GRXCR1: variants seen among roughly 807,000 people sequenced by gnomAD.
The protein encoded by GRXCR1 is glutaredoxin and cysteine rich domain containing 1, also known as glutaredoxin domain-containing cysteine-rich protein 1.
GRXCR1 carries 27 observed loss-of-function variants against 27.3 expected under a neutral mutation model. The ratio of observed to expected loss-of-function variants is 0.99; its 90% confidence interval spans 0.73 to 1.37. The LOEUF is 1.37. Among genes scored for constraint, GRXCR1 ranks in the 40% most tolerant of loss-of-function variants. The pLI is 0.00. For missense variants in GRXCR1, 379 were observed against 354.4 expected (o/e 1.07, Z -0.56); for synonymous variants, 122 against 131.1 (o/e 0.93, Z 0.47).
chr4:42,968,841 AAAG>A (rs1748312233), intron 2 of GRXCR1, among the ~76,000 whole-genome samples: 1 of 152,074 alleles, frequency 6.6e-6, no homozygotes, highest in Non-Finnish European at 1.5e-5. Flanking sequence ...CTTTAGTAGC[AAAG>A]AAGGATAGGA....
At chr4:42,917,741 G>GATTAAGTTTCC (rs1272029715) in intron 1 of GRXCR1, among the ~76,000 whole-genome samples, 2 of 152,120 alleles carry the variant, frequency 1.3e-5, no homozygotes, top group Admixed American at 1.3e-4. Context: ...GAAACAGGAT[G>GATTAAGTTTCC]AACGGGGGCT....
intron 1 of GRXCR1, 34 bp downstream of exon 1, chr4:42,893,684 G>A (rs745552081): frequency 1.2e-6 from 2 of 1,603,028 alleles, no homozygotes; most frequent in Admixed American, 3.3e-5. Context: ...CCTGCTCTTT[G>A]TTCCTAACTC....
intron 1 of GRXCR1, among the ~76,000 whole-genome samples, chr4:42,957,926 C>T (rs999015833): frequency 1.6e-4 from 24 of 151,784 alleles, no homozygotes; most frequent in Middle Eastern, 3.2e-3. Flanking sequence ...TCACTGGTAA[C>T]TTATTTAATT....
rs558492659 is a variant in GRXCR1 at position 42,976,754 on chromosome 4, C to T, written c.627+13620C>T. ...ATGATGTTTTGAAGTATATATACAC[C>T]GTGGAATGGCTAAATCTAGCTAATT... On this transcript the variant is annotated intron_variant, in intron 2 of 3. Coordinates refer to ENST00000399770, the MANE Select transcript of GRXCR1 (RefSeq NM_001080476.3). 3.3e-5 allele frequency among the ~76,000 whole-genome samples: 5 copies of T among 151,898 alleles called. No homozygotes were observed. In the East Asian group the frequency reaches 7.8e-4, roughly 24 times the overall value.
intron 1 of GRXCR1, among the ~76,000 whole-genome samples, chr4:42,945,285 C>T (rs1747717181): frequency 6.6e-6 from 1 of 152,104 alleles, no homozygotes; most frequent in Admixed American, 6.6e-5. Context: ...CAAGCTGACT[C>T]AGACAGTTGC....
At chr4:42,982,899 G>A (rs1251853163) in intron 2 of GRXCR1, among the ~76,000 whole-genome samples, 2 of 151,974 alleles carry the variant, frequency 1.3e-5, no homozygotes, top group South Asian at 2.1e-4. Flanking sequence ...TTTTTGATGG[G>A]GTTGTTTGTT....
chr4:43,001,172 T>C (rs1712344278), intron 2 of GRXCR1, among the ~76,000 whole-genome samples: 1 of 152,034 alleles, frequency 6.6e-6, no homozygotes, highest in Non-Finnish European at 1.5e-5. Flanking sequence ...TAGGATGCCT[T>C]TGTAACACTG....
chr4:42,925,304 G>A (rs1397069592), intron 1 of GRXCR1, among the ~76,000 whole-genome samples: 4 of 151,990 alleles, frequency 2.6e-5, no homozygotes, highest in Admixed American at 2.6e-4. Context: ...AAGGCAAATT[G>A]CCAATGGAAG....
intron 1 of GRXCR1, among the ~76,000 whole-genome samples, chr4:42,948,285 T>G (rs747546102): frequency 2.0e-5 from 3 of 151,718 alleles, no homozygotes; most frequent in Non-Finnish European, 2.9e-5. Context: ...AGATAAGAGA[T>G]AGAAACCAGT....
At chr4:42,973,322 T>A (rs1410603577) in intron 2 of GRXCR1, among the ~76,000 whole-genome samples, 1 of 152,184 alleles carries the variant, frequency 6.6e-6, no homozygotes, top group African/African-American at 2.4e-5. Context: ...CCTATTAATA[T>A]CTTGTTAGTT....
intron 1 of GRXCR1, among the ~76,000 whole-genome samples, chr4:42,893,870 A>C (rs545688070): frequency 6.6e-6 from 1 of 152,176 alleles, no homozygotes; most frequent in African/African-American, 2.4e-5. Context: ...TTTCTAACAC[A>C]TAAGTGGTCT....
chr4:42,982,080 GT>G, intron 2 of GRXCR1, among the ~76,000 whole-genome samples: 1 of 146,826 alleles, frequency 6.8e-6, no homozygotes, highest in Non-Finnish European at 1.5e-5. Flanking sequence ...TATACTTTAA[GT>G]TTTAGGGTAC....
rs374270169 is a variant in GRXCR1 at position 42,940,206 on chromosome 4, C to G, written c.385-22686C>G. Among the ~76,000 whole-genome samples the G allele has an allele frequency of 4.6e-4, 70 of 152,154 alleles. 2 individuals are homozygous for G. The South Asian group carries it at 0.011, about 23-fold the overall frequency. ...GGGAGTCCTCCTAAGACAGTGGCCC[C>G]TTGGTCTTTCTCCCTCTCATGCTAG... On this transcript the variant is annotated intron_variant, in intron 1 of 3. Coordinates refer to ENST00000399770, the MANE Select transcript of GRXCR1 (RefSeq NM_001080476.3).
intron 2 of GRXCR1, among the ~76,000 whole-genome samples, chr4:43,005,806 G>T (rs1712537993): frequency 6.6e-6 from 1 of 152,160 alleles, no homozygotes; most frequent in South Asian, 2.1e-4. Flanking sequence ...AGTTTGGAAA[G>T]GGACATACAG....
chr4:42,970,828 G>C (rs4123185), intron 2 of GRXCR1, among the ~76,000 whole-genome samples: 148,012 of 152,296 alleles, frequency 0.97, 71,948 homozygotes, highest in East Asian at 1. Context: ...GAATTTCTCC[G>C]CAGAAAATCA....
intron 2 of GRXCR1, among the ~76,000 whole-genome samples, chr4:42,988,733 A>G (rs73177769): frequency 0.027 from 4,183 of 152,276 alleles, 195 homozygotes; most frequent in African/African-American, 0.095. Context: ...TTGTAGCCAT[A>G]TAAGCTGTGG....
chr4:42,938,884 G>GTACCA (rs1415165507), intron 1 of GRXCR1, among the ~76,000 whole-genome samples: 3 of 150,446 alleles, frequency 2.0e-5, no homozygotes, highest in Non-Finnish European at 4.4e-5. Flanking sequence ...TTTTTTGCCA[G>GTACCA]TACCATGCTG....
intron 1 of GRXCR1, among the ~76,000 whole-genome samples, chr4:42,949,742 G>A (rs1185709412): frequency 6.6e-6 from 1 of 152,096 alleles, no homozygotes; most frequent in Non-Finnish European, 1.5e-5. Context: ...GGTGACACTG[G>A]GACCATGATC....
rs376610651 is a variant in GRXCR1, at chr4:42,959,195, T to A, written c.385-3697T>A. On this transcript the variant is annotated intron_variant, in intron 1 of 3. Coordinates refer to ENST00000399770, the MANE Select transcript of GRXCR1 (RefSeq NM_001080476.3). Reference sequence around the variant, plus strand: ...CCTAAGTATCCTTTAATGGATAAATTAATAAAGAAATTGTGGTATATATAA... The same window carrying A: ...CCTAAGTATCCTTTAATGGATAAATAAATAAAGAAATTGTGGTATATATAA... Among the ~76,000 whole-genome samples, 115 of 152,082 alleles carry A rather than the reference T, an allele frequency of 7.6e-4. 4 individuals carry two copies. The South Asian group carries it at 0.023, about 31-fold the overall frequency.
Sources: gnomAD v4.1 joint callset for allele counts (sites outside exome capture counted in the v4.1 genomes callset) on GRCh38, gnomAD v4.1.1 for gene constraint, MANE v1.5 for transcripts, NCBI Gene and HGNC (gene_info 2026-07-23, HGNC 2026-07-21) for gene names.